USP20: variants seen among roughly 807,000 people sequenced by gnomAD.
The protein encoded by USP20 is ubiquitin carboxyl-terminal hydrolase 20.
In USP20, 80 loss-of-function variants were observed where a neutral mutation model predicts 124.2. The ratio of observed to expected loss-of-function variants is 0.64; its 90% CI spans 0.54 to 0.78. USP20 has a LOEUF of 0.78. Among genes scored for constraint, USP20 ranks in the 30% least tolerant of loss-of-function variants. The pLI, the probability that USP20 is intolerant of heterozygous loss-of-function variation, is 0.00. For synonymous variants in USP20, 481 were observed against 512.3 expected, an observed-to-expected ratio of 0.94 and a Z score of 0.83; for missense variants, 1,043 against 1,244.4, an observed-to-expected ratio of 0.84 and a Z score of 2.44.
chr9:129,842,548 T>A (rs116260081), intron 1 of USP20, among the ~76,000 whole-genome samples: 2,676 of 151,866 alleles, frequency 0.018, 82 homozygotes, highest in African/African-American at 0.061. Flanking sequence ...ATATGCACCC[T>A]CTTGTCGACC....
intron 1 of USP20, among the ~76,000 whole-genome samples, chr9:129,837,078 G>A (rs3814545): frequency 0.16 from 24,689 of 152,216 alleles, 2,410 homozygotes; most frequent in Non-Finnish European, 0.21. Flanking sequence ...AGAGGACCCA[G>A]TGATAACCAC....
At chr9:129,840,041 C>G (rs1291902700) in intron 1 of USP20, among the ~76,000 whole-genome samples, 3 of 152,214 alleles carry the variant, frequency 2.0e-5, no homozygotes, top group African/African-American at 4.8e-5. Flanking sequence ...CTTCCTCCCC[C>G]CATCCTGTGC....
intron 17 of USP20, among the ~76,000 whole-genome samples, chr9:129,874,343 C>G (rs1487668431): frequency 6.6e-6 from 1 of 152,168 alleles, no homozygotes; most frequent in Non-Finnish European, 1.5e-5. Flanking sequence ...GCCGACAGAA[C>G]TGGTAAACTT....
At chr9:129,857,758 C>A (rs1338705087) in intron 4 of USP20, among the ~76,000 whole-genome samples, 1 of 152,198 alleles carries the variant, frequency 6.6e-6, no homozygotes, top group Non-Finnish European at 1.5e-5. Flanking sequence ...CCCGAGCAGC[C>A]AGGCCCCAGC....
rs1564201279 is a variant in USP20, at chr9:129,852,523, C to T, written c.-16-17C>T. The T allele has an allele frequency of 1.3e-6, 2 of 1,569,996 alleles. No homozygotes were observed. The highest frequency in any genetic ancestry group is 1.9e-5 in the Admixed American group (1 of 53,980). ...ACTGGCTGCCATTAACCCGGGATTG[C>T]TTGTGTCTTCTCATAGGTGAGCCCA... On this transcript the variant is annotated splice_polypyrimidine_tract_variant and intron_variant, in intron 2 of 25. Coordinates refer to ENST00000372429, the MANE Select transcript of USP20 (RefSeq NM_001110303.4).
chr9:129,866,976 C>T (rs115988178), intron 10 of USP20, among the ~76,000 whole-genome samples: 1 of 152,266 alleles, frequency 6.6e-6, no homozygotes, highest in African/African-American at 2.4e-5. Context: ...CTCCTGAGCC[C>T]TCCCTTCCCT....
rs185730838 is a variant in USP20 at position 129,842,691 on chromosome 9, T to A, written c.-128-7122T>A. Among the ~76,000 whole-genome samples the A allele has an allele frequency of 6.8e-3, 1,030 of 151,944 alleles. 7 individuals are homozygous for A. Among genetic ancestry groups the A allele is most frequent in the Middle Eastern group, 0.02 (6 of 294 alleles). ...TCACTGCAACCTCTGCCTCCTGGGT[T>A]CAAGCGATTCTCCTGCCTCAGCCTC... On this transcript the variant is annotated intron_variant, in intron 1 of 25. Transcript: ENST00000372429.
intron 1 of USP20, among the ~76,000 whole-genome samples, chr9:129,846,245 ATATTT>A (rs1230988375): frequency 2.1e-4 from 9 of 43,374 alleles, no homozygotes; most frequent in Non-Finnish European, 3.6e-4. Flanking sequence ...ATATATATAT[ATATTT>A]TTTTTTTTTT....
chr9:129,867,359 T>C (rs1204360040), intron 10 of USP20, among the ~76,000 whole-genome samples: 4 of 152,134 alleles, frequency 2.6e-5, no homozygotes, highest in African/African-American at 9.7e-5. Context: ...AAATGGTCAT[T>C]GCTGGGATTT....
chr9:129,862,205 T>C (rs2033583676), intron 8 of USP20, among the ~76,000 whole-genome samples: 1 of 152,156 alleles, frequency 6.6e-6, no homozygotes, highest in South Asian at 2.1e-4. Context: ...TGTCCCAAAA[T>C]GTTCCTAGTA....
chr9:129,858,249 C>A, intron 5 of USP20, 137 bp downstream of exon 5: 1 of 1,160,060 alleles, frequency 8.6e-7, no homozygotes, highest in Non-Finnish European at 1.2e-6. Flanking sequence ...TGCAAAGAAG[C>A]AAGAGAGAAT....
rs2034632866 is a variant in USP20, at chr9:129,881,427, C to G, written c.*977C>G. 6.6e-6 allele frequency: 1 copy of G among 152,172 alleles called. No individual in the cohort carries two copies. Among genetic ancestry groups the G allele is most frequent in the Admixed American group, 6.5e-5 (1 of 15,288 alleles). 9.4% of individuals were successfully genotyped at this position (152,172 alleles called of 1,614,324 possible). A position where few individuals can be genotyped will look rare whatever the true frequency, so the allele number is the denominator to read the frequency against. ...CTGAGCACAGCAAGGCACCAAAGCC[C>G]CTGGAGAAACCGCCAGGGCGAGGTG... On this transcript the variant is annotated 3_prime_UTR_variant, in exon 26 of 26. Transcript: ENST00000372429.
At chr9:129,860,289 C>T (rs1246144323) in intron 6 of USP20, among the ~76,000 whole-genome samples, 1 of 146,232 alleles carries the variant, frequency 6.8e-6, no homozygotes, top group African/African-American at 2.5e-5. Flanking sequence ...AAGATTGCAC[C>T]ATTGCACTCC....
At chr9:129,864,705 C>T (rs1257870951) in intron 9 of USP20, among the ~76,000 whole-genome samples, 2 of 142,418 alleles carry the variant, frequency 1.4e-5, no homozygotes, top group South Asian at 2.4e-4. Flanking sequence ...ACTCGGGAGG[C>T]GGAGGTTGCA....
At position 129,873,531 on chromosome 9, in the gene USP20, C is replaced by G; in HGVS notation, c.1694+16C>G. 6.2e-7 allele frequency: 1 copy of G among 1,614,200 alleles called. No individual in the cohort carries two copies. The highest frequency in any genetic ancestry group is 8.5e-7 in the Non-Finnish European group (1 of 1,180,030). ...GGTGTAAGAAGTAAGTGAGCCTTCC[C>G]CCGCCTTCTCCCTAACTGCCGTTTC... On this transcript the variant is annotated intron_variant, in intron 16 of 25. Coordinates refer to ENST00000372429, the MANE Select transcript of USP20 (RefSeq NM_001110303.4).
intron 3 of USP20, among the ~76,000 whole-genome samples, chr9:129,855,120 T>C (rs2033143343): frequency 6.6e-6 from 1 of 152,042 alleles, no homozygotes; most frequent in Non-Finnish European, 1.5e-5. Context: ...CTGGAGGGGA[T>C]TATGTGAGCA....
intron 22 of USP20, among the ~76,000 whole-genome samples, chr9:129,876,696 C>A (rs1399146849): frequency 1.3e-5 from 2 of 151,400 alleles, no homozygotes; most frequent in Non-Finnish European, 2.9e-5. Flanking sequence ...AACTAGATGG[C>A]CAGGTGTCTA....
At chr9:129,868,753 T>G in intron 11 of USP20, 109 bp from the exon 12 acceptor site, 1 of 1,474,438 alleles carries the variant, frequency 6.8e-7, no homozygotes, top group Non-Finnish European at 9.0e-7. Flanking sequence ...GGAGACACAT[T>G]AGGGTCAGGC....
chr9:129,868,141 G>A lies in USP20; in HGVS notation c.827G>A (p.Arg276Gln), dbSNP rs762071131. Residue 276 changes from arginine to glutamine, a missense_variant, in exon 11 of 26, where the codon CGG (arginine) becomes CAG (glutamine). Physicochemically the swap from Arg to Gln is conservative, Grantham distance 43 (BLOSUM62 1). Coordinates refer to ENST00000372429, the MANE Select transcript of USP20 (RefSeq NM_001110303.4). ...ACGGATGAGAAACGGGAGGGTGACCGGAGCCCATCAGAAGATGAGTTCTTG... is the reference window on the plus strand; with the variant it reads ...ACGGATGAGAAACGGGAGGGTGACCAGAGCCCATCAGAAGATGAGTTCTTG... The part of the protein sequence containing the change: ...SDTDEKREGD[R>Q]SPSEDEFLSC... 21 of 1,613,998 alleles carry A rather than the reference G, an allele frequency of 1.3e-5. No individual in the cohort carries two copies. Among genetic ancestry groups the A allele is most frequent in the East Asian group, 8.9e-5 (4 of 44,890 alleles).
Sources: gnomAD v4.1 joint callset for allele counts (sites outside exome capture counted in the v4.1 genomes callset) on GRCh38, gnomAD v4.1.1 for gene constraint, MANE v1.5 for transcripts, NCBI Gene and HGNC (gene_info 2026-07-23, HGNC 2026-07-21) for gene names.